ATP8B4: variants seen among roughly 807,000 people sequenced by gnomAD.
ATP8B4 encodes ATPase phospholipid transporting 8B4 (putative), also known as probable phospholipid-transporting ATPase IM.
A neutral mutation model predicts 145.6 loss-of-function variants in ATP8B4; 133 were observed. That is an observed-to-expected ratio of 0.91 (90% confidence interval 0.79 to 1.05). The LOEUF (loss-of-function observed/expected upper bound fraction) is 1.05. Among genes scored for constraint, ATP8B4 ranks in the 50% least tolerant of loss-of-function variants. The pLI is 0.00. For synonymous variants in ATP8B4, 507 were observed against 492.9 expected, an observed-to-expected ratio of 1.03 and a Z score of -0.38; for missense variants, 1,458 against 1,425.2, an observed-to-expected ratio of 1.02 and a Z score of -0.37.
At chr15:50,108,953 G>C (rs1263554870) in intron 1 of ATP8B4, among the ~76,000 whole-genome samples, 1 of 152,112 alleles carries the variant, frequency 6.6e-6, no homozygotes, top group Non-Finnish European at 1.5e-5. Context: ...AATGGAGGAA[G>C]GGCTTCCAGA....
chr15:50,139,352 C>T (rs1237350521), intron 1 of ATP8B4, among the ~76,000 whole-genome samples: 2 of 151,944 alleles, frequency 1.3e-5, no homozygotes, highest in African/African-American at 4.8e-5. Context: ...AACCAAACAC[C>T]GCATGTTCTC....
At chr15:50,033,193 G>A (rs959646059) in intron 6 of ATP8B4, among the ~76,000 whole-genome samples, 2 of 152,182 alleles carry the variant, frequency 1.3e-5, no homozygotes, top group Non-Finnish European at 2.9e-5. Flanking sequence ...TAAGATTGAT[G>A]GAAACAGGCC....
chr15:49,961,072 G>A (rs549134903), intron 14 of ATP8B4, among the ~76,000 whole-genome samples: 2 of 151,894 alleles, frequency 1.3e-5, no homozygotes, highest in African/African-American at 4.8e-5. Flanking sequence ...GGCAGAGCTT[G>A]CAGTGAGCCG....
At chr15:49,969,706 G>A (rs1356017896) in intron 13 of ATP8B4, among the ~76,000 whole-genome samples, 1 of 152,098 alleles carries the variant, frequency 6.6e-6, no homozygotes, top group African/African-American at 2.4e-5. Flanking sequence ...AAGAGGAGCT[G>A]GTACCATTCC....
At chr15:49,914,658 C>T (rs890628584) in intron 20 of ATP8B4, among the ~76,000 whole-genome samples, 5 of 152,016 alleles carry the variant, frequency 3.3e-5, no homozygotes, top group African/African-American at 1.2e-4. Flanking sequence ...AAGCAAAGAA[C>T]ATGAATAGAC....
chr15:50,176,520 T>C (rs887133718), intron 1 of ATP8B4, among the ~76,000 whole-genome samples: 1 of 151,552 alleles, frequency 6.6e-6, no homozygotes, highest in Non-Finnish European at 1.5e-5. Flanking sequence ...TATGGAAAAA[T>C]AAAATATTTT....
At chr15:49,992,937 G>A (rs1262476513) in intron 9 of ATP8B4, among the ~76,000 whole-genome samples, 1 of 152,068 alleles carries the variant, frequency 6.6e-6, no homozygotes, top group East Asian at 1.9e-4. Flanking sequence ...TAAACTAAAG[G>A]ATGCAATATC....
At chr15:49,981,088 A>G (rs934132640) in intron 11 of ATP8B4, 118 bp downstream of exon 11, 18 of 825,240 alleles carry the variant, frequency 2.2e-5, no homozygotes, top group Middle Eastern at 2.5e-4. Flanking sequence ...TCAAATGCAA[A>G]ATCCCCAAAA....
At chr15:49,979,499 AG>A in intron 12 of ATP8B4, 117 bp downstream of exon 12, 2 of 749,080 alleles carry the variant, frequency 2.7e-6, no homozygotes, top group Non-Finnish European at 3.9e-6. Context: ...CAGATGTTGC[AG>A]ATCATAAGCA....
rs1466144515 is a variant in ATP8B4 at position 49,934,151 on chromosome 15, G to C, written c.1319C>G (p.Ser440Cys). The C allele has an allele frequency of 1.2e-6, 2 of 1,611,512 alleles. No individual in the cohort carries two copies. The highest frequency in any genetic ancestry group is 1.7e-6 in the Non-Finnish European group (2 of 1,178,966). ...GAACTGAAATTCTCTATCCGCTTGA[G>C]ATTTGACTGAGAAATCCACAGGCTC... ...EKEPVDFSVK[S>C]QADREFQFFD... Residue 440 changes from serine to cysteine, a missense_variant, in exon 15 of 28, where the codon TCT becomes TGT. Ser to Cys is a moderately radical substitution (Grantham distance 112, BLOSUM62 -1). Coordinates refer to ENST00000284509, the MANE Select transcript of ATP8B4 (RefSeq NM_024837.4).
chr15:50,108,417 GA>G (rs1307119815), intron 1 of ATP8B4, among the ~76,000 whole-genome samples: 2 of 151,804 alleles, frequency 1.3e-5, no homozygotes, highest in African/African-American at 2.4e-5. Context: ...TTGGCCTCAG[GA>G]AAAAAACTCT....
chr15:49,930,488 G>A (rs1286457357), intron 16 of ATP8B4, among the ~76,000 whole-genome samples: 3 of 152,098 alleles, frequency 2.0e-5, no homozygotes, highest in African/African-American at 4.8e-5. Context: ...GCACAGATTT[G>A]TTGTGGTGCT....
intron 14 of ATP8B4, among the ~76,000 whole-genome samples, chr15:49,949,168 T>C (rs968567938): frequency 1.3e-5 from 2 of 152,232 alleles, no homozygotes; most frequent in Non-Finnish European, 2.9e-5. Flanking sequence ...TTCGATTCCA[T>C]ATGAAATTTA....
intron 1 of ATP8B4, among the ~76,000 whole-genome samples, chr15:50,148,794 T>G (rs1567407446): frequency 6.6e-6 from 1 of 152,206 alleles, no homozygotes; most frequent in Non-Finnish European, 1.5e-5. Flanking sequence ...ATATTAAATG[T>G]AATATTAGAT....
intron 2 of ATP8B4, among the ~76,000 whole-genome samples, chr15:50,078,748 A>C (rs1020404559): frequency 6.6e-6 from 1 of 152,146 alleles, no homozygotes; most frequent in Non-Finnish European, 1.5e-5. Flanking sequence ...ATAATCCCAA[A>C]AACTTCCAAA....
At chr15:49,878,712 C>G (rs1003806619) in intron 24 of ATP8B4, among the ~76,000 whole-genome samples, 1 of 152,146 alleles carries the variant, frequency 6.6e-6, no homozygotes, top group African/African-American at 2.4e-5. Context: ...TCTCCCCACT[C>G]AAGCACATTG....
At chr15:50,160,838 T>TC (rs2044507668) in intron 1 of ATP8B4, among the ~76,000 whole-genome samples, 1 of 152,138 alleles carries the variant, frequency 6.6e-6, no homozygotes, top group Admixed American at 6.5e-5. Context: ...AGAAGGACTG[T>TC]ATATTCTGTA....
intron 7 of ATP8B4, among the ~76,000 whole-genome samples, chr15:50,007,243 C>A (rs1373528501): frequency 6.6e-6 from 1 of 152,192 alleles, no homozygotes; most frequent in Non-Finnish European, 1.5e-5. Flanking sequence ...GTTCGAACAG[C>A]TAGAAGTTAT....
intron 20 of ATP8B4, chr15:49,908,070 A>G (rs982790184): frequency 2.6e-5 from 12 of 455,950 alleles, no homozygotes; most frequent in African/African-American, 4.0e-5. Context: ...ACTTCCTCAT[A>G]TGTCCAACAG....
Sources: allele counts gnomAD v4.1 joint callset (sites outside exome capture counted in the v4.1 genomes callset), GRCh38; gene constraint gnomAD v4.1.1; transcripts MANE v1.5; gene names NCBI Gene and HGNC (gene_info 2026-07-23, HGNC 2026-07-21).